CHPF2: variants seen among roughly 807,000 people sequenced by gnomAD.
CHPF2 encodes the protein chondroitin polymerizing factor 2, non-catalytic subunit.
CHPF2 carries 58 observed loss-of-function variants against 63.0 expected under a neutral mutation model. That is an observed-to-expected ratio of 0.92 (90% CI 0.75 to 1.15). CHPF2 has a LOEUF of 1.15. Ranked by LOEUF, CHPF2 falls within the 50% of genes most tolerant of loss-of-function variation. The pLI, the probability that CHPF2 is intolerant of heterozygous loss-of-function variation, is 0.00. For synonymous variants in CHPF2, 442 were observed against 438.0 expected, an observed-to-expected ratio of 1.01 and a Z score of -0.11; for missense variants, 1,045 against 1,035.4, an observed-to-expected ratio of 1.01 and a Z score of -0.13.
At position 151,237,894 on chromosome 7, in the gene CHPF2, C is replaced by T. The variant is rs1802729711; in HGVS notation, c.1532C>T (p.Ala511Val). 3 of 1,612,678 alleles carry T rather than the reference C, an allele frequency of 1.9e-6. 1 individual carries two copies. Among genetic ancestry groups the T allele is most frequent in the African/African-American group, 2.7e-5 (2 of 74,942 alleles). ...AAAPAFLEAF[A>V]ANVLEPREHA... ...GCCCCGGCTTTCCTCGAGGCCTTTGCAGCCAATGTCCTGGAGCCACGAGAA... is the reference window on the plus strand; with the variant it reads ...GCCCCGGCTTTCCTCGAGGCCTTTGTAGCCAATGTCCTGGAGCCACGAGAA... Residue 511 changes from alanine to valine, a missense_variant, in exon 4 of 4, where the codon GCA becomes GTA. Ala to Val is a moderately conservative substitution (Grantham distance 64). Transcript: ENST00000035307.
chr7:151,238,513 T>G lies in CHPF2; in HGVS notation c.2151T>G (p.Phe717Leu). 1 of 1,603,424 alleles carries G rather than the reference T, an allele frequency of 6.2e-7. No individual in the cohort carries two copies. The highest frequency in any genetic ancestry group is 8.5e-7 in the Non-Finnish European group (1 of 1,173,342). The part of the protein sequence containing the change: ...VFLRFSGLHL[F>L]RAVEPGLVQK... ...TCCGGTTCTCAGGGCTCCACCTCTT[T>G]CGGGCCGTAGAGCCAGGGCTGGTGC... is the stretch of plus-strand genomic sequence containing the variant. The change falls in exon 4 of 4, where the codon TTT becomes TTG. Residue 717 changes from phenylalanine (F) to leucine (L), a missense_variant. Coordinates refer to ENST00000035307, the MANE Select transcript of CHPF2 (RefSeq NM_019015.3).
chr7:151,232,864 C>A lies in CHPF2; in HGVS notation c.-1148C>A. On this transcript the variant is annotated 5_prime_UTR_variant, in exon 1 of 4. Coordinates refer to ENST00000035307, the MANE Select transcript of CHPF2 (RefSeq NM_019015.3). ...CGACCTCCGACCCCGCCTCGCAGAA[C>A]GACCCGAGCTGGTCTCCCGAGCCCC... 7.0e-7 allele frequency: 1 copy of A among 1,430,276 alleles called. No individual in the cohort carries two copies. The highest frequency in any genetic ancestry group is 2.7e-5 in the Admixed American group (1 of 36,502). 88.6% of individuals were successfully genotyped at this position (1,430,276 alleles called of 1,614,324 possible). A position where few individuals can be genotyped will look rare whatever the true frequency, so the allele number is the denominator to read the frequency against.
chr7:151,233,069 C>T lies in CHPF2; in HGVS notation c.-943C>T. The T allele has an allele frequency of 2.4e-6, 3 of 1,248,992 alleles. No homozygotes were observed. Among genetic ancestry groups the T allele is most frequent in the East Asian group, 6.6e-5 (2 of 30,470 alleles). 77.4% of individuals were successfully genotyped at this position (1,248,992 alleles called of 1,614,324 possible). A position where few individuals can be genotyped will look rare whatever the true frequency, so the allele number is the denominator to read the frequency against. ...GCTGGCCGCGCTTCTGTTTGCGTTC[C>T]CAGGACCCTGGCATTGTCTCTAGTT... On this transcript the variant is annotated 5_prime_UTR_variant, in exon 1 of 4. Transcript: ENST00000035307.
chr7:151,233,446 C>T lies in CHPF2; in HGVS notation c.-566C>T. The T allele has an allele frequency of 1.0e-6, 1 of 985,708 alleles. No individual in the cohort carries two copies. Among genetic ancestry groups the T allele is most frequent in the Non-Finnish European group, 1.2e-6 (1 of 830,142 alleles). 61.1% of individuals were successfully genotyped at this position (985,708 alleles called of 1,614,324 possible). Reference sequence around the variant, plus strand: ...GAGGCTCTGGCCCCTTCCCTTGTGCCCACCGGGCCTGCCGCAGTGGCTCAG... The same window carrying T: ...GAGGCTCTGGCCCCTTCCCTTGTGCTCACCGGGCCTGCCGCAGTGGCTCAG... On this transcript the variant is annotated 5_prime_UTR_variant, in exon 1 of 4. Transcript: ENST00000035307.
Position 151,238,219 on chromosome 7 carries a change from T to C in CHPF2, c.1857T>C (p.Phe619=), listed in dbSNP as rs1802748512. ...CCATCTCTGGCTGGCAGGCCTTCTT[T>C]CCAGTCCATTTCCAGGAGTTCAATC... is the stretch of plus-strand genomic sequence containing the variant. The part of the protein sequence containing the change: ...MNAISGWQAF[F]PVHFQEFNPA... Residue 619 remains phenylalanine, a synonymous_variant, in exon 4 of 4, where the codon TTT becomes TTC. Coordinates refer to ENST00000035307, the MANE Select transcript of CHPF2 (RefSeq NM_019015.3). 1.2e-6 allele frequency: 2 copies of C among 1,612,882 alleles called. No homozygotes were observed. Among genetic ancestry groups the C allele is most frequent in the East Asian group, 2.2e-5 (1 of 44,862 alleles).
chr7:151,236,249 G>GA (rs2150583450), intron 2 of CHPF2, among the ~76,000 whole-genome samples, 159 bp from the exon 3 acceptor site: 1 of 152,340 alleles, frequency 6.6e-6, no homozygotes, highest in East Asian at 1.9e-4. Context: ...TGTGGGCAGT[G>GA]AAAGAACTGG....
At position 151,233,925 on chromosome 7, in the gene CHPF2, GAA is replaced by G. The variant is rs1802548558; in HGVS notation, c.-85_-84del. ...GACCCCAGGTTCTCTGGTTAAAACT[GAA>G]AGCCTACTACTGGCCTGGTGCCCAT... On this transcript the variant is annotated 5_prime_UTR_variant, in exon 1 of 4. Transcript: ENST00000035307. 1 of 1,400,654 alleles carries G rather than the reference GAA, an allele frequency of 7.1e-7. No individual in the cohort carries two copies. The highest frequency in any genetic ancestry group is 1.5e-5 in the African/African-American group (1 of 68,462). 86.8% of individuals were successfully genotyped at this position (1,400,654 alleles called of 1,614,324 possible).
Position 151,237,757 on chromosome 7 carries a change from G to A in CHPF2, c.1395G>A (p.Arg465=). Residue 465 remains arginine, a synonymous_variant, in exon 4 of 4, where the codon AGG becomes AGA. Transcript: ENST00000035307. Reference sequence around the variant, plus strand: ...GGCACCGGCGGGCCCTGGCTCGCAGGGTCAGCCTGCTGCGGCCACTGAGCC... The same window carrying A: ...GGCACCGGCGGGCCCTGGCTCGCAGAGTCAGCCTGCTGCGGCCACTGAGCC... The part of the protein sequence containing the change: ...QRGHRRALAR[R]VSLLRPLSRV... 1 of 1,612,368 alleles carries A rather than the reference G, an allele frequency of 6.2e-7. No homozygotes were observed. Among genetic ancestry groups the A allele is most frequent in the South Asian group, 1.1e-5 (1 of 91,074 alleles).
At chr7:151,237,079 G>A (rs1276103368) in intron 3 of CHPF2, 2 of 615,326 alleles carry the variant, frequency 3.3e-6, no homozygotes, top group East Asian at 3.3e-5. Context: ...TCCTTTGGGT[G>A]TAGGAGAGAA....
rs909828949 is a variant in CHPF2 at position 151,233,027 on chromosome 7, C to T, written c.-985C>T. On this transcript the variant is annotated 5_prime_UTR_variant, in exon 1 of 4. Transcript: ENST00000035307. ...TAGCGCAGGGGCTGTGGGCCCCCGG[C>T]AGGGGTCCTGTCGGAAGCTGGCCGC... is the stretch of plus-strand genomic sequence containing the variant. 4.6e-5 allele frequency: 58 copies of T among 1,263,996 alleles called. No homozygotes were observed. The highest frequency in any genetic ancestry group is 5.7e-5 in the Non-Finnish European group (57 of 1,004,158). 78.3% of individuals were successfully genotyped at this position (1,263,996 alleles called of 1,614,324 possible).
Position 151,237,431 on chromosome 7 carries a change from C to T in CHPF2, c.1069C>T (p.Pro357Ser). Residue 357 changes from proline to serine, a missense_variant, in exon 4 of 4, where the codon CCC (proline) becomes TCC (serine). By Grantham distance (74) the Pro-to-Ser change is moderately conservative (BLOSUM62 -1). Coordinates refer to ENST00000035307, the MANE Select transcript of CHPF2 (RefSeq NM_019015.3). ...CGAAGGGGAGGCAGGGCTGAGCTGG[C>T]CCGTTGGGCTCCCTGCTCCTTTCAC... ...TPEGEAGLSW[P>S]VGLPAPFTPH... 6.2e-7 allele frequency: 1 copy of T among 1,612,552 alleles called. No homozygotes were observed.
Position 151,235,610 on chromosome 7 carries a change from C to T in CHPF2, c.826C>T (p.Gln276Ter). The T allele has an allele frequency of 6.2e-7, 1 of 1,600,934 alleles. No individual in the cohort carries two copies. The highest frequency in any genetic ancestry group is 8.5e-7 in the Non-Finnish European group (1 of 1,174,596). The part of the protein sequence containing the change: ...SLGVGCVSQH[Q>*]GQQYRSFELA... ...GGGCGTCGGCTGTGTCTCACAGCAC[C>T]AGGTGACAGCTCTTTCAAGTCAGTC... Residue 276 changes from glutamine to a stop codon, truncating the protein, a stop_gained and splice_region_variant, in exon 2 of 4, where the codon CAG becomes TAG. Transcript: ENST00000035307. LOFTEE classifies it high-confidence loss of function.
Position 151,232,958 on chromosome 7 carries a change from G to C in CHPF2, c.-1054G>C, listed in dbSNP as rs1201024179. 1 of 1,341,272 alleles carries C rather than the reference G, an allele frequency of 7.5e-7. No individual in the cohort carries two copies. Among genetic ancestry groups the C allele is most frequent in the African/African-American group, 1.5e-5 (1 of 64,962 alleles). The allele number at this position is 1,341,272 out of a possible 1,614,324, so 83.1% of individuals were successfully genotyped here. A position where few individuals can be genotyped will look rare whatever the true frequency, so the allele number is the denominator to read the frequency against. On this transcript the variant is annotated 5_prime_UTR_variant, in exon 1 of 4. Transcript: ENST00000035307. The stretch of plus-strand genomic sequence containing the variant: ...AGACGAACGGCGAAGACTCGCGTCG[G>C]GTCTTCGTTCTAGGGCTAGACTTGG...
chr7:151,232,887 C>T lies in CHPF2; in HGVS notation c.-1125C>T. On this transcript the variant is annotated 5_prime_UTR_variant, in exon 1 of 4. Coordinates refer to ENST00000035307, the MANE Select transcript of CHPF2 (RefSeq NM_019015.3). ...AACGACCCGAGCTGGTCTCCCGAGC[C>T]CCCTTCTCAGCAGCCCGGTGACGTG... The T allele has an allele frequency of 7.2e-7, 1 of 1,389,750 alleles. No homozygotes were observed. Among genetic ancestry groups the T allele is most frequent in the Non-Finnish European group, 9.3e-7 (1 of 1,076,832 alleles). The allele number at this position is 1,389,750 out of a possible 1,614,324, so 86.1% of individuals were successfully genotyped here. A position where few individuals can be genotyped will look rare whatever the true frequency, so the allele number is the denominator to read the frequency against.
In CHPF2 at chr7:151,233,933, A is replaced by G. The variant is rs192985599; in HGVS notation, c.-79A>G. The G allele has an allele frequency of 1.9e-4, 275 of 1,415,874 alleles. 1 individual carries two copies. In the African/African-American group the frequency reaches 3.7e-3, roughly 19 times the overall value. The allele number at this position is 1,415,874 out of a possible 1,614,324, so 87.7% of individuals were successfully genotyped here. A position where few individuals can be genotyped will look rare whatever the true frequency, so the allele number is the denominator to read the frequency against. On this transcript the variant is annotated 5_prime_UTR_variant, in exon 1 of 4. Coordinates refer to ENST00000035307, the MANE Select transcript of CHPF2 (RefSeq NM_019015.3). The stretch of plus-strand genomic sequence containing the variant: ...GTTCTCTGGTTAAAACTGAAAGCCT[A>G]CTACTGGCCTGGTGCCCATCAATCC...
In CHPF2 at chr7:151,237,724, A is replaced by G. The variant is rs1479647712; in HGVS notation, c.1362A>G (p.Thr454=). The change falls in exon 4 of 4, where the codon ACA becomes ACG. Residue 454 remains threonine, a synonymous_variant. Transcript: ENST00000035307. The part of the protein sequence containing the change: ...YTLDLLLECV[T]QRGHRRALAR... ...TGGACCTGCTGTTGGAATGTGTGAC[A>G]CAGCGTGGGCACCGGCGGGCCCTGG... 6.2e-7 allele frequency: 1 copy of G among 1,612,848 alleles called. No homozygotes were observed. Among genetic ancestry groups the G allele is most frequent in the South Asian group, 1.1e-5 (1 of 91,086 alleles).
chr7:151,237,231 T>A (rs1374201109), intron 3 of CHPF2, 143 bp from the exon 4 acceptor site: 2 of 623,590 alleles, frequency 3.2e-6, no homozygotes, highest in African/African-American at 3.7e-5. Flanking sequence ...TACAAGGGAT[T>A]CAGTGATTAG....
Position 151,233,343 on chromosome 7 carries a change from G to C in CHPF2, c.-669G>C. On this transcript the variant is annotated 5_prime_UTR_variant, in exon 1 of 4. Coordinates refer to ENST00000035307, the MANE Select transcript of CHPF2 (RefSeq NM_019015.3). ...AGAACTTATGTGTGCCATGCGAGTG[G>C]CTCCAGACCGCTCCTGAGTGGGAGG... The C allele has an allele frequency of 1.0e-6, 1 of 986,090 alleles. No homozygotes were observed. The highest frequency in any genetic ancestry group is 1.2e-6 in the Non-Finnish European group (1 of 830,348). 61.1% of individuals were successfully genotyped at this position (986,090 alleles called of 1,614,324 possible).
intron 1 of CHPF2, among the ~76,000 whole-genome samples, chr7:151,234,824 C>G (rs1802582296): frequency 6.6e-6 from 1 of 152,016 alleles, no homozygotes; most frequent in Non-Finnish European, 1.5e-5. Context: ...GGAGGAATTG[C>G]ATCTAACCTA....
Sources: gnomAD v4.1 joint callset for allele counts (sites outside exome capture counted in the v4.1 genomes callset) on GRCh38, gnomAD v4.1.1 for gene constraint, MANE v1.5 for transcripts, NCBI Gene and HGNC (gene_info 2026-07-23, HGNC 2026-07-21) for gene names.